The following C12orf42 variants were observed in gnomAD, a reference collection of about 807,000 sequenced individuals.
C12orf42 encodes chromosome 12 open reading frame 42, also known as uncharacterized protein C12orf42.
C12orf42 carries 25 observed loss-of-function variants against 21.6 expected under a neutral mutation model. The ratio of observed to expected loss-of-function variants is 1.16; its 90% CI spans 0.84 to 1.62. The LOEUF is 1.62. Among genes scored for constraint, C12orf42 ranks in the 40% most tolerant of loss-of-function variants. The probability of loss-of-function intolerance (pLI) is 0.00; values close to 1 mark genes in which losing one functional copy is unlikely to be tolerated. For missense variants in C12orf42, 483 were observed against 459.3 expected, an observed-to-expected ratio of 1.05 and a Z score of -0.47; for synonymous variants, 174 against 175.0, an observed-to-expected ratio of 0.99 and a Z score of 0.05.
At chr12:103,290,103 A>G (rs2036700693) in intron 4 of C12orf42, among the ~76,000 whole-genome samples, 1 of 152,198 alleles carries the variant, frequency 6.6e-6, no homozygotes, top group African/African-American at 2.4e-5. Flanking sequence ...ACACTAAATG[A>G]AAAGCAAACA....
the C12orf42 span, among the ~76,000 whole-genome samples, chr12:103,502,977 C>T: frequency 1.3e-5 from 2 of 152,182 alleles, no homozygotes; most frequent in Admixed American, 6.5e-5. Flanking sequence ...AAATTACTGT[C>T]ATTCCCTTGC....
intron 2 of C12orf42, 162 bp downstream of exon 2, chr12:103,478,187 A>G: frequency 1.8e-6 from 1 of 541,684 alleles, no homozygotes; most frequent in East Asian, 3.3e-5. Flanking sequence ...AAATTATGCT[A>G]TAATTTACAA....
At chr12:103,414,048 T>C (rs2049081568) in intron 2 of C12orf42, among the ~76,000 whole-genome samples, 1 of 152,224 alleles carries the variant, frequency 6.6e-6, no homozygotes, top group Non-Finnish European at 1.5e-5. Context: ...GTTCTACTTT[T>C]AGTTCTTTAA....
the C12orf42 span, chr12:103,547,939 C>T: frequency 2.0e-5 from 3 of 152,168 alleles, no homozygotes; most frequent in Admixed American, 1.3e-4. Flanking sequence ...ATAGGCTTCT[C>T]GTGGCCTATT....
the C12orf42 span, among the ~76,000 whole-genome samples, chr12:103,173,382 A>C: frequency 2.6e-5 from 4 of 152,122 alleles, no homozygotes; most frequent in Non-Finnish European, 5.9e-5. Flanking sequence ...GTGCTTCTCA[A>C]AATAGAGATT....
At chr12:103,529,256 G>A in the C12orf42 span, among the ~76,000 whole-genome samples, 4 of 152,118 alleles carry the variant, frequency 2.6e-5, no homozygotes, top group South Asian at 4.1e-4. Context: ...TCTCTTTACC[G>A]TTATTAATAG....
chr12:103,479,105 C>T (rs531919259), intron 1 of C12orf42, among the ~76,000 whole-genome samples: 1 of 152,120 alleles, frequency 6.6e-6, no homozygotes, highest in South Asian at 2.1e-4. Context: ...CTGTGAGTTT[C>T]AGGAGTTATT....
intron 2 of C12orf42, among the ~76,000 whole-genome samples, chr12:103,473,133 A>T (rs1446606385): frequency 6.6e-6 from 1 of 152,224 alleles, no homozygotes; most frequent in Non-Finnish European, 1.5e-5. Context: ...GAACATTAGA[A>T]ATAATAATTA....
chr12:103,481,020 T>C (rs1018234009), intron 1 of C12orf42, among the ~76,000 whole-genome samples: 16 of 151,782 alleles, frequency 1.1e-4, no homozygotes, highest in African/African-American at 3.4e-4. Context: ...TATTTTTTTC[T>C]GTAGTTCAGT....
At chr12:103,507,248 A>AAATATATGATATATATATT in the C12orf42 span, among the ~76,000 whole-genome samples, 1 of 53,630 alleles carries the variant, frequency 1.9e-5, no homozygotes, top group African/African-American at 1.2e-4. Flanking sequence ...TATTATATAT[A>AAATATATGATATATATATT]ATATATAAAT....
At chr12:103,227,338 G>T in the C12orf42 span, among the ~76,000 whole-genome samples, 1 of 151,992 alleles carries the variant, frequency 6.6e-6, no homozygotes, top group Non-Finnish European at 1.5e-5. Flanking sequence ...ATAAGGGATT[G>T]GGGTGCAGAG....
Position 103,324,277 on chromosome 12 carries a change from C to A in C12orf42, c.260-17932G>T, listed in dbSNP as rs17033698. ...AAAACTGCAGTAAGTTTTGTAACTACTGATTCAGTAGAGTAGAAGAAGAGA... is the reference window on the plus strand; with the variant it reads ...AAAACTGCAGTAAGTTTTGTAACTAATGATTCAGTAGAGTAGAAGAAGAGA... On this transcript the variant is annotated intron_variant, in intron 4 of 5. Coordinates refer to ENST00000548883, the MANE Select transcript of C12orf42 (RefSeq NM_198521.5). Among the ~76,000 whole-genome samples, 2,252 of 152,144 alleles carry A rather than the reference C, an allele frequency of 0.015. 103 individuals carry two copies. The East Asian group carries it at 0.19, about 13-fold the overall frequency.
the C12orf42 span, among the ~76,000 whole-genome samples, chr12:103,109,651 G>A: frequency 1.7e-4 from 26 of 149,280 alleles, no homozygotes; most frequent in African/African-American, 5.1e-4. Flanking sequence ...TATATAAGAC[G>A]CAAAAAGCAT....
intron 2 of C12orf42, among the ~76,000 whole-genome samples, chr12:103,442,340 C>T (rs567581449): frequency 5.3e-5 from 8 of 152,268 alleles, no homozygotes; most frequent in East Asian, 1.9e-4. Flanking sequence ...CACAATCTTA[C>T]GGGGATGACA....
the C12orf42 span, among the ~76,000 whole-genome samples, chr12:103,102,153 C>T: frequency 2.0e-5 from 3 of 152,262 alleles, no homozygotes; most frequent in South Asian, 4.2e-4. Flanking sequence ...TGCAAAGAAG[C>T]ATGTTCACAT....
chr12:103,286,215 C>A (rs1388037680), intron 4 of C12orf42, among the ~76,000 whole-genome samples: 2 of 151,794 alleles, frequency 1.3e-5, no homozygotes, highest in Non-Finnish European at 2.9e-5. Flanking sequence ...TGCACCACTG[C>A]ACTCCAGCCT....
At chr12:103,515,604 A>G in the C12orf42 span, among the ~76,000 whole-genome samples, 2 of 152,222 alleles carry the variant, frequency 1.3e-5, no homozygotes, top group African/African-American at 2.4e-5. Context: ...CTGGCCTCTC[A>G]TCAGTGAAGT....
At chr12:103,048,475 G>A in the C12orf42 span, among the ~76,000 whole-genome samples, 6 of 152,022 alleles carry the variant, frequency 3.9e-5, no homozygotes, top group Admixed American at 1.3e-4. Context: ...ATAATTACAC[G>A]TGTGGAACGT....
the C12orf42 span, among the ~76,000 whole-genome samples, chr12:103,117,495 A>G: frequency 6.6e-6 from 1 of 152,242 alleles, no homozygotes; most frequent in Non-Finnish European, 1.5e-5. Flanking sequence ...CTCAGGATTT[A>G]AACGATGGCT....
Sources: gnomAD v4.1 joint callset for allele counts (sites outside exome capture counted in the v4.1 genomes callset) on GRCh38, gnomAD v4.1.1 for gene constraint, MANE v1.5 for transcripts, NCBI Gene and HGNC (gene_info 2026-07-23, HGNC 2026-07-21) for gene names.